The following ADAP1 variants were observed in gnomAD, a reference collection of about 807,000 sequenced individuals.
The protein encoded by ADAP1 is ArfGAP with dual PH domains 1, also known as arf-GAP with dual PH domain-containing protein 1.
Under a neutral mutation model 54.9 loss-of-function variants are expected in ADAP1, and 31 were observed. The observed-to-expected ratio is 0.56, with a 90% confidence interval of 0.42 to 0.76. ADAP1 has a LOEUF of 0.76. Ranked by LOEUF, ADAP1 falls within the 30% of genes least tolerant of loss-of-function variation. ADAP1 has a pLI of 0.00. For synonymous variants in ADAP1, 313 were observed against 202.6 expected (o/e 1.55, Z -4.63); for missense variants, 535 against 512.4 (o/e 1.04, Z -0.42).
In ADAP1 at chr7:946,244, C is replaced by T. The variant is rs1226792768; in HGVS notation, c.82+8152G>A. Among the ~76,000 whole-genome samples, 1 of 152,188 alleles carries T rather than the reference C, an allele frequency of 6.6e-6. No individual in the cohort carries two copies. The highest frequency in any genetic ancestry group is 2.4e-5 in the African/African-American group (1 of 41,436). On this transcript the variant is annotated intron_variant, in intron 1 of 10. Coordinates refer to ENST00000265846, the MANE Select transcript of ADAP1 (RefSeq NM_006869.4). This position sits in a 1 kb window ranked among gnomAD's most constrained non-coding sequence, Gnocchi z 4.3. ...GTTACCCGTGGCCCCTGCAGGGATC[C>T]AGGCTCCCGCCGGCCGGTGGATCCC... is the stretch of plus-strand genomic sequence containing the variant.
intron 4 of ADAP1, among the ~76,000 whole-genome samples, chr7:917,990 C>T (rs1372625049): frequency 6.6e-6 from 1 of 152,114 alleles, no homozygotes; most frequent in Admixed American, 6.5e-5. Flanking sequence ...GGTTTCGCCA[C>T]GTTGCTCAGG....
At chr7:931,918 G>A (rs1377490101) in intron 2 of ADAP1, among the ~76,000 whole-genome samples, 3 of 152,148 alleles carry the variant, frequency 2.0e-5, no homozygotes, top group Non-Finnish European at 2.9e-5. Flanking sequence ...CTTAGCCCCC[G>A]GATGTCCCCG....
intron 4 of ADAP1, among the ~76,000 whole-genome samples, chr7:906,233 GGA>G (rs1171454282): frequency 0.049 from 8 of 164 alleles, no homozygotes; most frequent in African/African-American, 0.17. Context: ...AAGGAGAAAG[GGA>G]GAAAGGAGAA....
rs374232245 is a variant in ADAP1 at position 920,610 on chromosome 7, G to A, written c.306-560C>T. 2.6e-5 allele frequency among the ~76,000 whole-genome samples: 4 copies of A among 152,016 alleles called. No individual in the cohort carries two copies. Among genetic ancestry groups the A allele is most frequent in the Non-Finnish European group, 4.4e-5 (3 of 67,982 alleles). On this transcript the variant is annotated intron_variant, in intron 3 of 10. Transcript: ENST00000265846. This position sits in a 1 kb window ranked among gnomAD's most constrained non-coding sequence, Gnocchi z 4.5. ...AGGGCACCCGTCGAGGTCAGGAGGC[G>A]TCCGGGGCATCAGGAGAAACTACCG... is the stretch of plus-strand genomic sequence containing the variant.
At chr7:930,125 A>AAAAAC (rs1562930816) in intron 2 of ADAP1, among the ~76,000 whole-genome samples, 2 of 134,718 alleles carry the variant, frequency 1.5e-5, no homozygotes, top group Non-Finnish European at 3.4e-5. Flanking sequence ...AAAAAAAAAA[A>AAAAAC]AACCCTCAGG....
chr7:904,532 C>T (rs990216701), intron 5 of ADAP1, among the ~76,000 whole-genome samples: 1 of 152,164 alleles, frequency 6.6e-6, no homozygotes, highest in East Asian at 1.9e-4. Flanking sequence ...TCCCCGGGGG[C>T]AGCCCCGGGC....
At chr7:905,325 CATGG>C in intron 4 of ADAP1, 153 bp from the exon 5 acceptor site, 1 of 491,852 alleles carries the variant, frequency 2.0e-6, no homozygotes, top group Non-Finnish European at 3.7e-6. Flanking sequence ...GGAGAGGGGA[CATGG>C]AGGAGACAGG....
intron 4 of ADAP1, among the ~76,000 whole-genome samples, chr7:912,350 G>T (rs1320016731): frequency 6.6e-6 from 1 of 152,204 alleles, no homozygotes; most frequent in Non-Finnish European, 1.5e-5. Flanking sequence ...CCAGCCCGCG[G>T]TGGGAGCAGC....
At chr7:913,222 A>T in intron 4 of ADAP1, among the ~76,000 whole-genome samples, 1 of 103,894 alleles carries the variant, frequency 9.6e-6, no homozygotes, top group African/African-American at 4.0e-5. Context: ...TTTTTTTGAG[A>T]CGGAGTCTCG....
chr7:905,510 G>C (rs1845153064), intron 4 of ADAP1: 1 of 31,036 alleles, frequency 3.2e-5, no homozygotes, highest in Non-Finnish European at 6.4e-5. Flanking sequence ...AGGGAGAAGG[G>C]AGAAGGGAGA....
chr7:907,869 G>A (rs533813337), intron 4 of ADAP1, among the ~76,000 whole-genome samples: 1 of 152,064 alleles, frequency 6.6e-6, no homozygotes, highest in South Asian at 2.1e-4. Context: ...CATCCCCAGT[G>A]GGCGCCGCCT....
In ADAP1 at chr7:935,483, A is replaced by C. The variant is rs987275790; in HGVS notation, c.105T>G (p.Thr35=). Residue 35 remains threonine (T), a synonymous_variant, in exon 2 of 11, where the codon ACT becomes ACG. Coordinates refer to ENST00000265846, the MANE Select transcript of ADAP1 (RefSeq NM_006869.4). ...AGCTCAGGCAGATGAAGACGCCCAG[A>C]GTGTAGGAGGCCCAGTCGGGATCTG... ...GAPDPDWASY[T]LGVFICLSCS... is the part of the protein sequence containing the mutation. The C allele has an allele frequency of 1.3e-6, 2 of 1,563,488 alleles. No homozygotes were observed. The highest frequency in any genetic ancestry group is 2.4e-5 in the East Asian group (1 of 41,788).
chr7:928,045 G>A (rs1846445526), intron 2 of ADAP1, among the ~76,000 whole-genome samples: 3 of 117,972 alleles, frequency 2.5e-5, no homozygotes, highest in Non-Finnish European at 5.0e-5. Context: ...GTGAGACCCT[G>A]TCTCTCAAAA....
intron 4 of ADAP1, among the ~76,000 whole-genome samples, chr7:910,515 A>G (rs1845679940): frequency 6.6e-6 from 1 of 151,972 alleles, no homozygotes; most frequent in Non-Finnish European, 1.5e-5. Flanking sequence ...CTCCCACCAT[A>G]CTGGGGTTGC....
rs563022080 is a variant in ADAP1, at chr7:947,688, C to G, written c.82+6708G>C. ...ACTCACGCCCCGCCCTAGGCCTAGCCACCGCCACCCGGCCTCGGTCACTGC... is the reference window on the plus strand; with the variant it reads ...ACTCACGCCCCGCCCTAGGCCTAGCGACCGCCACCCGGCCTCGGTCACTGC... On this transcript the variant is annotated intron_variant, in intron 1 of 10. Transcript: ENST00000265846. Among the ~76,000 whole-genome samples the G allele has an allele frequency of 1.2e-3, 186 of 152,290 alleles. 1 individual carries two copies. Among genetic ancestry groups the G allele is most frequent in the Admixed American group, 0.012 (177 of 15,304 alleles).
intron 4 of ADAP1, 117 bp from the exon 5 acceptor site, chr7:905,289 G>C (rs1168955002): frequency 4.0e-5 from 19 of 470,540 alleles, no homozygotes; most frequent in Non-Finnish European, 6.2e-5. Context: ...CACGGACGGG[G>C]GACACGGACA....
intron 4 of ADAP1, among the ~76,000 whole-genome samples, chr7:916,830 G>A (rs961095879): frequency 1.2e-4 from 19 of 152,104 alleles, no homozygotes; most frequent in African/African-American, 4.6e-4. Flanking sequence ...CTGACCTGGG[G>A]AGGTGCCTTG....
At position 899,288 on chromosome 7, in the gene ADAP1, G is replaced by A. The variant is rs117135055; in HGVS notation, c.868-27C>T. 1,686 of 1,611,144 alleles carry A rather than the reference G, an allele frequency of 1.0e-3. 18 individuals are homozygous for A. In the African/African-American group the frequency reaches 0.018, roughly 17 times the overall value. On this transcript the variant is annotated intron_variant, in intron 9 of 10. Coordinates refer to ENST00000265846, the MANE Select transcript of ADAP1 (RefSeq NM_006869.4). ...TGTGGGTGGGGACCGCACTGGAGGC[G>A]GGGCCATGTCCCTTCCAGCCCCGCT...
intron 5 of ADAP1, 131 bp from the exon 6 acceptor site, chr7:904,403 G>C: frequency 8.3e-7 from 1 of 1,208,562 alleles, no homozygotes; most frequent in East Asian, 2.7e-5. Context: ...TTACTTAAGC[G>C]CTCTGAGCCT....
Sources: gnomAD v4.1 joint callset for allele counts (sites outside exome capture counted in the v4.1 genomes callset) on GRCh38, gnomAD v4.1.1 for gene constraint, Gnocchi (gnomAD v3.1) non-coding constraint, MANE v1.5 for transcripts, NCBI Gene and HGNC (gene_info 2026-07-23, HGNC 2026-07-21) for gene names.